The following CHTOP variants were observed in gnomAD, a reference collection of about 807,000 sequenced individuals.
CHTOP encodes the protein chromatin target of PRMT1 protein.
A neutral mutation model predicts 33.6 loss-of-function variants in CHTOP; 18 were observed. That is an observed-to-expected ratio of 0.54 (90% CI 0.37 to 0.80). The LOEUF is 0.80. Among genes scored for constraint, CHTOP ranks in the 30% least tolerant of loss-of-function variants. The pLI is 0.00. For synonymous variants in CHTOP, 117 were observed against 127.7 expected (o/e 0.92, Z 0.56); for missense variants, 263 against 336.8 (o/e 0.78, Z 1.71).
intron 1 of CHTOP, among the ~76,000 whole-genome samples, chr1:153,635,649 C>T (rs1469176219): frequency 2.6e-5 from 4 of 151,632 alleles, no homozygotes; most frequent in African/African-American, 7.3e-5. Context: ...GGAGAAACCC[C>T]GTCTCTACTA....
chr1:153,638,452 A>T lies in CHTOP; in HGVS notation c.219+4A>T, dbSNP rs1668491367. On this transcript the variant is annotated splice_donor_region_variant and intron_variant, in intron 3 of 5. Transcript: ENST00000368694. The stretch of plus-strand genomic sequence containing the variant: ...GGCAGCATTAAAACTTAAGCAGGTG[A>T]GAGAATGGGTCTTAATGCTCCAGAA... 6.2e-7 allele frequency: 1 copy of T among 1,614,040 alleles called. No individual in the cohort carries two copies. The highest frequency in any genetic ancestry group is 8.5e-7 in the Non-Finnish European group (1 of 1,180,020).
chr1:153,636,409 CAAA>C (rs35357072), intron 1 of CHTOP, among the ~76,000 whole-genome samples, 160 bp from the exon 2 acceptor site: 12 of 122,720 alleles, frequency 9.8e-5, no homozygotes, highest in South Asian at 2.6e-4. Context: ...GACCCTGTCT[CAAA>C]AAAAAAAAAA....
intron 4 of CHTOP, 106 bp from the exon 5 acceptor site, chr1:153,643,121 A>G: frequency 2.1e-6 from 3 of 1,403,956 alleles, no homozygotes; most frequent in Non-Finnish European, 3.0e-6. Flanking sequence ...CAACCTAAAA[A>G]CTAACTGAAT....
chr1:153,634,419 G>T lies in CHTOP; in HGVS notation c.-18+76G>T, dbSNP rs377255376. The stretch of plus-strand genomic sequence containing the variant: ...GGAAGGGGCCGGCGGACGCGGAAAG[G>T]GGGTGGTGGCATGTGGACATAGCTA... On this transcript the variant is annotated intron_variant, in intron 1 of 5. Transcript: ENST00000368694. 2.9e-3 allele frequency: 438 copies of T among 153,218 alleles called. 1 individual carries two copies. Among genetic ancestry groups the T allele is most frequent in the Non-Finnish European group, 4.2e-3 (290 of 68,384 alleles). The allele number at this position is 153,218 out of a possible 1,614,324, so 9.5% of individuals were successfully genotyped here.
At chr1:153,636,530 T>A in intron 1 of CHTOP, 42 bp from the exon 2 acceptor site, 1 of 1,511,894 alleles carries the variant, frequency 6.6e-7, no homozygotes, top group Admixed American at 1.7e-5. Flanking sequence ...AGAAATGATG[T>A]CACTATTGTG....
chr1:153,643,501 A>G, intron 5 of CHTOP, 137 bp downstream of exon 5: 1 of 898,108 alleles, frequency 1.1e-6, no homozygotes, highest in East Asian at 2.9e-5. Flanking sequence ...AAACTGGCTT[A>G]TTTTTCAAAT....
chr1:153,638,497 A>C (rs750648945), intron 3 of CHTOP, 49 bp downstream of exon 3: 18 of 1,607,338 alleles, frequency 1.1e-5, no homozygotes, highest in Non-Finnish European at 3.4e-6. Flanking sequence ...GATCTCTGTG[A>C]GGGAGTCCAC....
At chr1:153,639,421 C>T in intron 3 of CHTOP, 1 of 983,394 alleles carries the variant, frequency 1.0e-6, no homozygotes, top group Non-Finnish European at 1.2e-6. Flanking sequence ...CAAGCTGTGG[C>T]TGGGCGTCTG....
chr1:153,644,753 G>GAATCC (rs1668747016), intron 5 of CHTOP, among the ~76,000 whole-genome samples: 1 of 152,156 alleles, frequency 6.6e-6, no homozygotes, highest in South Asian at 2.1e-4. Flanking sequence ...CAAATGTTAG[G>GAATCC]TAATTTTATC....
chr1:153,642,951 G>T (rs1304005105), intron 4 of CHTOP: 1 of 426,984 alleles, frequency 2.3e-6, no homozygotes, highest in Non-Finnish European at 4.3e-6. Flanking sequence ...TTACCATAAT[G>T]CTAGGCATCT....
At chr1:153,636,922 T>G in intron 2 of CHTOP, 1 of 388,720 alleles carries the variant, frequency 2.6e-6, no homozygotes, top group Non-Finnish European at 4.8e-6. Context: ...TTTTCACATT[T>G]TTTTACGTTG....
At position 153,645,307 on chromosome 1, in the gene CHTOP, AAC is replaced by A. The variant is rs2101697008; in HGVS notation, c.*42_*43del. The A allele has an allele frequency of 1.3e-6, 2 of 1,590,348 alleles. No homozygotes were observed. The highest frequency in any genetic ancestry group is 4.5e-5 in the East Asian group (2 of 44,770). On this transcript the variant is annotated 3_prime_UTR_variant, in exon 6 of 6. Coordinates refer to ENST00000368694, the MANE Select transcript of CHTOP (RefSeq NM_015607.4). The stretch of plus-strand genomic sequence containing the variant: ...CTCCCATGAGAGACTCTTGTTAGTC[AAC>A]ACATCTGTAAATAACCTTGAGATAA...
In CHTOP at chr1:153,642,385, G is replaced by A; in HGVS notation, c.359G>A (p.Gly120Glu). ...RGLPRGGLRG[G>E]RATRTLLRGG... ...TTGCCCAGAGGAGGACTACGTGGGG[G>A]ACGTGCCACCAGAACCCTACTTAGG... Residue 120 changes from glycine (G) to glutamate (E), a missense_variant, in exon 4 of 6, where the codon GGA becomes GAA. Coordinates refer to ENST00000368694, the MANE Select transcript of CHTOP (RefSeq NM_015607.4). 2 of 1,614,112 alleles carry A rather than the reference G, an allele frequency of 1.2e-6. No individual in the cohort carries two copies. The highest frequency in any genetic ancestry group is 1.7e-6 in the Non-Finnish European group (2 of 1,179,988).
intron 2 of CHTOP, 162 bp downstream of exon 2, chr1:153,636,815 G>A (rs904656650): frequency 4.1e-5 from 25 of 603,266 alleles, no homozygotes; most frequent in African/African-American, 7.4e-5. Flanking sequence ...CAAATTGGGC[G>A]GTTGTTTCAA....
intron 1 of CHTOP, among the ~76,000 whole-genome samples, chr1:153,635,487 G>C (rs569888917): frequency 6.6e-6 from 1 of 151,406 alleles, no homozygotes; most frequent in Non-Finnish European, 1.5e-5. Flanking sequence ...CCTTGGATAA[G>C]TCATATGTAG....
intron 5 of CHTOP, among the ~76,000 whole-genome samples, chr1:153,644,828 A>G (rs1668749965): frequency 6.6e-6 from 1 of 152,234 alleles, no homozygotes. Flanking sequence ...TATTGATAGA[A>G]TAAAATTTGT....
chr1:153,644,345 G>A (rs1004339882), intron 5 of CHTOP: 5 of 152,218 alleles, frequency 3.3e-5, no homozygotes, highest in Non-Finnish European at 7.3e-5. Flanking sequence ...GAGACATCAC[G>A]AGGGTGGGAG....
Position 153,642,286 on chromosome 1 carries a change from G to A in CHTOP, c.260G>A (p.Arg87Gln), listed in dbSNP as rs766561166. Reference sequence around the variant, plus strand: ...CTGGGTAAGAGTAACATCCAGGCACGGTTAGGCCGACCCATAGGGGCCCTG... The same window carrying A: ...CTGGGTAAGAGTAACATCCAGGCACAGTTAGGCCGACCCATAGGGGCCCTG... ...QRLGKSNIQA[R>Q]LGRPIGALAR... The change falls in exon 4 of 6, where the codon CGG (arginine) becomes CAG (glutamine). Residue 87 changes from arginine to glutamine, a missense_variant. By Grantham distance (43) the Arg-to-Gln change is conservative. Transcript: ENST00000368694. 1.9e-6 allele frequency: 3 copies of A among 1,613,900 alleles called. No individual in the cohort carries two copies. Among genetic ancestry groups the A allele is most frequent in the East Asian group, 2.2e-5 (1 of 44,890 alleles).
At chr1:153,639,987 T>G (rs967330073) in intron 3 of CHTOP, among the ~76,000 whole-genome samples, 1 of 152,098 alleles carries the variant, frequency 6.6e-6, no homozygotes, top group Non-Finnish European at 1.5e-5. Context: ...TTGGCCAGAC[T>G]GGTCTTGAAC....
Sources: gnomAD v4.1 joint callset for allele counts (sites outside exome capture counted in the v4.1 genomes callset) on GRCh38, gnomAD v4.1.1 for gene constraint, MANE v1.5 for transcripts, NCBI Gene and HGNC (gene_info 2026-07-23, HGNC 2026-07-21) for gene names.